The following ZNF512 variants were observed in gnomAD, a reference collection of about 807,000 sequenced individuals.
The protein encoded by ZNF512 is zinc finger protein 512.
A neutral mutation model predicts 77.5 loss-of-function variants in ZNF512; 25 were observed. The ratio of observed to expected loss-of-function variants is 0.32; its 90% CI spans 0.23 to 0.45. ZNF512 has a LOEUF of 0.45. Ranked by LOEUF, ZNF512 falls within the 20% of genes least tolerant of loss-of-function variation. The probability of loss-of-function intolerance (pLI) is 1.00; values close to 1 mark genes in which losing one functional copy is unlikely to be tolerated. For synonymous variants in ZNF512, 246 were observed against 239.9 expected, an observed-to-expected ratio of 1.03 and a Z score of -0.24; for missense variants, 483 against 692.6, an observed-to-expected ratio of 0.70 and a Z score of 3.40.
In ZNF512 at chr2:27,617,454, G is replaced by T. The variant is rs1486699311; in HGVS notation, c.1297-19G>T. 5.0e-6 allele frequency: 5 copies of T among 1,009,198 alleles called. No individual in the cohort carries two copies. Among genetic ancestry groups the T allele is most frequent in the Admixed American group, 1.7e-5 (1 of 58,246 alleles). 62.5% of individuals were successfully genotyped at this position (1,009,198 alleles called of 1,614,324 possible). A position where few individuals can be genotyped will look rare whatever the true frequency, so the allele number is the denominator to read the frequency against. On this transcript the variant is annotated intron_variant, in intron 12 of 13. Coordinates refer to ENST00000355467, the MANE Select transcript of ZNF512 (RefSeq NM_032434.4). The stretch of plus-strand genomic sequence containing the variant: ...CTGAATTTACCAGTAATTCTTTTTT[G>T]TTTCTCTCTTGGAAATAGGGAAACT...
intron 1 of ZNF512, chr2:27,583,354 A>G (rs1442801619): frequency 4.2e-5 from 55 of 1,298,802 alleles, no homozygotes; most frequent in Non-Finnish European, 5.1e-5. Flanking sequence ...CCACATTACC[A>G]TTAGTTTCTA....
At chr2:27,598,012 A>G (rs1572914316) in intron 2 of ZNF512, 55 bp from the exon 3 acceptor site, 5 of 1,397,132 alleles carry the variant, frequency 3.6e-6, no homozygotes, top group East Asian at 2.4e-5. Context: ...AAAAGAATGT[A>G]TAGAAATTTT....
intron 2 of ZNF512, among the ~76,000 whole-genome samples, chr2:27,597,520 T>G (rs1186651912): frequency 1.3e-5 from 2 of 152,230 alleles, no homozygotes; most frequent in Non-Finnish European, 2.9e-5. Context: ...TCTGGCCAGG[T>G]TAATTCATGC....
chr2:27,603,799 T>C (rs1017897120), intron 9 of ZNF512, among the ~76,000 whole-genome samples: 5 of 151,788 alleles, frequency 3.3e-5, no homozygotes, highest in Non-Finnish European at 7.4e-5. Flanking sequence ...GGTCTCATTA[T>C]GTAGCACAGG....
intron 13 of ZNF512, among the ~76,000 whole-genome samples, chr2:27,618,226 C>T (rs1271374021): frequency 6.6e-6 from 1 of 152,136 alleles, no homozygotes; most frequent in Non-Finnish European, 1.5e-5. Context: ...GGCCTGAACT[C>T]TTCTAATTCC....
At chr2:27,587,125 G>A (rs1275958311) in intron 2 of ZNF512, among the ~76,000 whole-genome samples, 2 of 152,114 alleles carry the variant, frequency 1.3e-5, no homozygotes, top group Non-Finnish European at 2.9e-5. Flanking sequence ...TATGGCAGGA[G>A]TATGTTTAGC....
At chr2:27,607,420 T>G (rs953696098) in intron 9 of ZNF512, among the ~76,000 whole-genome samples, 2 of 151,810 alleles carry the variant, frequency 1.3e-5, no homozygotes, top group Admixed American at 1.3e-4. Flanking sequence ...CAGGCTGGAA[T>G]GTAGTGGCGC....
chr2:27,615,213 C>G lies in ZNF512; in HGVS notation c.1177C>G (p.Leu393Val), dbSNP rs1479358942. 1.9e-6 allele frequency: 3 copies of G among 1,607,514 alleles called. No homozygotes were observed. The highest frequency in any genetic ancestry group is 2.5e-6 in the Non-Finnish European group (3 of 1,176,974). The change falls in exon 11 of 14, where the codon CTA (leucine) becomes GTA (valine). Residue 393 changes from leucine (L) to valine (V), a missense_variant. By Grantham distance (32) the Leu-to-Val change is conservative. This residue lies in a region of ZNF512 where 324 missense variants were observed against 525.0 expected (regional missense o/e 0.62). Coordinates refer to ENST00000355467, the MANE Select transcript of ZNF512 (RefSeq NM_032434.4). The stretch of plus-strand genomic sequence containing the variant: ...GCTCCCTACCTTCAGCCAGGAAGTA[C>G]TACATAAATGGAAGACAGATATCAA... ...PGLPTFSQEV[L>V]HKWKTDIKKY...
At chr2:27,596,851 C>T (rs978653369) in intron 2 of ZNF512, among the ~76,000 whole-genome samples, 1 of 152,190 alleles carries the variant, frequency 6.6e-6, no homozygotes, top group African/African-American at 2.4e-5. Flanking sequence ...CCCCTCCCTC[C>T]TAGAGGAAAC....
intron 2 of ZNF512, among the ~76,000 whole-genome samples, chr2:27,584,168 A>T (rs1264212560): frequency 2.0e-5 from 3 of 152,190 alleles, no homozygotes; most frequent in African/African-American, 7.2e-5. Context: ...AGTGTGTGGG[A>T]GAAAAACCTA....
At chr2:27,593,564 T>G (rs570022628) in intron 2 of ZNF512, among the ~76,000 whole-genome samples, 14 of 152,226 alleles carry the variant, frequency 9.2e-5, no homozygotes, top group African/African-American at 3.4e-4. Context: ...CAAGCTGCAG[T>G]GAGCCATGTG....
chr2:27,615,058 A>G lies in ZNF512; in HGVS notation c.1132-110A>G, dbSNP rs996829036. ...ATATCTTACAGTTTTTTTGTGTACAAGAGTATAGATTTCAGAATTATATAA... is the reference window on the plus strand; with the variant it reads ...ATATCTTACAGTTTTTTTGTGTACAGGAGTATAGATTTCAGAATTATATAA... On this transcript the variant is annotated intron_variant, in intron 10 of 13. Transcript: ENST00000355467. 5 of 660,182 alleles carry G rather than the reference A, an allele frequency of 7.6e-6. No homozygotes were observed. The Admixed American group carries it at 1.1e-4, about 15-fold the overall frequency. The allele number at this position is 660,182 out of a possible 1,614,324, so 40.9% of individuals were successfully genotyped here. A position where few individuals can be genotyped will look rare whatever the true frequency, so the allele number is the denominator to read the frequency against.
chr2:27,599,496 T>A (rs1672022877), intron 3 of ZNF512, 87 bp from the exon 4 acceptor site: 2 of 942,524 alleles, frequency 2.1e-6, no homozygotes, highest in Non-Finnish European at 3.4e-6. Context: ...CTTTTGATGG[T>A]CTTGTGAATG....
At chr2:27,616,411 T>G in intron 12 of ZNF512, 87 bp downstream of exon 12, 1 of 1,043,066 alleles carries the variant, frequency 9.6e-7, no homozygotes, top group Non-Finnish European at 1.5e-6. Flanking sequence ...GAACAGCTAG[T>G]TGTCCTGTTT....
At chr2:27,586,473 G>A (rs769521124) in intron 2 of ZNF512, among the ~76,000 whole-genome samples, 2 of 151,528 alleles carry the variant, frequency 1.3e-5, no homozygotes, top group Non-Finnish European at 1.5e-5. Flanking sequence ...CAGGCAGTTC[G>A]CCCATCTTGG....
rs368120320 is a variant in ZNF512 at position 27,616,189 on chromosome 2, G to A, written c.1234-73G>A. 1.8e-5 allele frequency: 21 copies of A among 1,145,324 alleles called. No homozygotes were observed. The African/African-American group carries it at 2.6e-4, about 14-fold the overall frequency. 70.9% of individuals were successfully genotyped at this position (1,145,324 alleles called of 1,614,324 possible). ...CTTCCTTCAAATGTGGAGTTGGTCAGTGTAAATGGCCAGATTGTTCAGAGA... is the reference window on the plus strand; with the variant it reads ...CTTCCTTCAAATGTGGAGTTGGTCAATGTAAATGGCCAGATTGTTCAGAGA... On this transcript the variant is annotated intron_variant, in intron 11 of 13. Coordinates refer to ENST00000355467, the MANE Select transcript of ZNF512 (RefSeq NM_032434.4).
At chr2:27,605,310 G>C (rs999960594) in intron 9 of ZNF512, among the ~76,000 whole-genome samples, 1 of 151,842 alleles carries the variant, frequency 6.6e-6, no homozygotes, top group African/African-American at 2.4e-5. Context: ...AAAATTAGCT[G>C]GGTGTGGGTG....
chr2:27,620,155 A>G (rs1208163947), intron 13 of ZNF512, among the ~76,000 whole-genome samples: 11 of 152,198 alleles, frequency 7.2e-5, no homozygotes, highest in African/African-American at 2.7e-4. Context: ...ATTAAGCCCA[A>G]TATATCTAAA....
intron 9 of ZNF512, among the ~76,000 whole-genome samples, chr2:27,603,573 A>AGTGTGT (rs11273312): frequency 1.4e-4 from 19 of 133,168 alleles, no homozygotes; most frequent in South Asian, 4.4e-4. Flanking sequence ...ATTTTTATAT[A>AGTGTGT]GTGTGTGTGT....
Sources: allele counts gnomAD v4.1 joint callset (sites outside exome capture counted in the v4.1 genomes callset), GRCh38; gene constraint gnomAD v4.1.1; regional missense constraint gnomAD v4.1.1; transcripts MANE v1.5; gene names NCBI Gene and HGNC (gene_info 2026-07-23, HGNC 2026-07-21).